KCTD16: variants seen among roughly 807,000 people sequenced by gnomAD.
KCTD16 encodes BTB/POZ domain-containing protein KCTD16.
In KCTD16, 13 loss-of-function variants were observed where a neutral mutation model predicts 33.2. The ratio of observed to expected loss-of-function variants is 0.39; its 90% CI spans 0.25 to 0.62. The LOEUF (loss-of-function observed/expected upper bound fraction) is 0.62. Ranked by LOEUF, KCTD16 falls within the 20% of genes least tolerant of loss-of-function variation. KCTD16 has a pLI of 0.50. For missense variants in KCTD16, 441 were observed against 525.1 expected, an observed-to-expected ratio of 0.84 and a Z score of 1.57; for synonymous variants, 197 against 195.3, an observed-to-expected ratio of 1.01 and a Z score of -0.07.
At chr5:144,459,901 G>C (rs1289860263) in intron 3 of KCTD16, among the ~76,000 whole-genome samples, 1 of 126,050 alleles carries the variant, frequency 7.9e-6, no homozygotes, top group African/African-American at 3.1e-5. Context: ...GCGTGATCTT[G>C]GCTCACTGCA....
At chr5:144,176,177 T>C (rs6650972) in intron 2 of KCTD16, among the ~76,000 whole-genome samples, 9,188 of 152,222 alleles carry the variant, frequency 0.06, 812 homozygotes, top group African/African-American at 0.19. Context: ...TTTCTTGATA[T>C]GTTTCATCTT....
intron 3 of KCTD16, among the ~76,000 whole-genome samples, chr5:144,359,921 A>G (rs1211548359): frequency 6.6e-6 from 1 of 151,990 alleles, no homozygotes; most frequent in Non-Finnish European, 1.5e-5. Flanking sequence ...TGTGATTTTA[A>G]TCTGATTCTC....
chr5:144,412,918 T>C (rs1264905437), intron 3 of KCTD16, among the ~76,000 whole-genome samples: 1 of 152,158 alleles, frequency 6.6e-6, no homozygotes, highest in Non-Finnish European at 1.5e-5. Context: ...GATCTAATGT[T>C]TGATCTATCA....
At chr5:144,444,513 T>A (rs1398536129) in intron 3 of KCTD16, among the ~76,000 whole-genome samples, 2 of 152,114 alleles carry the variant, frequency 1.3e-5, no homozygotes, top group Admixed American at 6.6e-5. Flanking sequence ...ATAGTTTTTG[T>A]ACGTCAGTCA....
intron 2 of KCTD16, chr5:144,205,633 G>T (rs1561528106): frequency 1.3e-5 from 5 of 398,492 alleles, no homozygotes; most frequent in Non-Finnish European, 2.2e-5. Context: ...CTAAGTCCTG[G>T]TACCTCTTGC....
intron 3 of KCTD16, among the ~76,000 whole-genome samples, chr5:144,306,596 G>A (rs556716257): frequency 1.1e-4 from 16 of 152,288 alleles, no homozygotes; most frequent in Admixed American, 9.8e-4. Context: ...AACCTATAAG[G>A]ACTAAGTGAC....
At chr5:144,367,911 G>A (rs1751875523) in intron 3 of KCTD16, among the ~76,000 whole-genome samples, 1 of 150,226 alleles carries the variant, frequency 6.7e-6, no homozygotes, top group African/African-American at 2.5e-5. Flanking sequence ...GCAGTATTCA[G>A]TTTTCTGTTC....
chr5:144,264,264 A>G (rs1168081463), intron 3 of KCTD16, among the ~76,000 whole-genome samples: 1 of 152,236 alleles, frequency 6.6e-6, no homozygotes, highest in Non-Finnish European at 1.5e-5. Flanking sequence ...TGAAAAATAC[A>G]TAACAGAATA....
At chr5:144,178,441 A>G (rs757818811) in intron 2 of KCTD16, among the ~76,000 whole-genome samples, 2 of 152,146 alleles carry the variant, frequency 1.3e-5, no homozygotes, top group Non-Finnish European at 2.9e-5. Flanking sequence ...TTTATTTTTA[A>G]ACAGAGACAT....
intron 3 of KCTD16, among the ~76,000 whole-genome samples, chr5:144,251,469 C>T (rs1056136563): frequency 6.6e-5 from 10 of 152,114 alleles, no homozygotes; most frequent in African/African-American, 2.4e-4. Flanking sequence ...TCAATGGTAA[C>T]TATTATTATC....
At chr5:144,416,821 G>T (rs1406989464) in intron 3 of KCTD16, among the ~76,000 whole-genome samples, 2 of 151,976 alleles carry the variant, frequency 1.3e-5, no homozygotes, top group Admixed American at 1.3e-4. Context: ...ATCTGTTTTT[G>T]TGTCTTTGTG....
chr5:144,417,807 T>C (rs1487178669), intron 3 of KCTD16, among the ~76,000 whole-genome samples: 1 of 152,172 alleles, frequency 6.6e-6, no homozygotes, highest in African/African-American at 2.4e-5. Context: ...TTCGTTCTTC[T>C]GCATATGGAT....
intron 3 of KCTD16, among the ~76,000 whole-genome samples, chr5:144,445,512 C>T (rs1190011657): frequency 6.6e-6 from 1 of 151,980 alleles, no homozygotes; most frequent in African/African-American, 2.4e-5. Context: ...CACTTAGTTT[C>T]TCTTTTCCTA....
chr5:144,430,789 C>G (rs1753440871), intron 3 of KCTD16, among the ~76,000 whole-genome samples: 1 of 151,608 alleles, frequency 6.6e-6, no homozygotes. Context: ...GATCCAGCCT[C>G]CCATCTCTCC....
chr5:144,216,511 A>C (rs1327638426), intron 3 of KCTD16, among the ~76,000 whole-genome samples: 3 of 152,182 alleles, frequency 2.0e-5, no homozygotes, highest in African/African-American at 7.2e-5. Flanking sequence ...ATTGATGAAA[A>C]TAGAAAGCAA....
chr5:144,262,358 G>T (rs1441906627), intron 3 of KCTD16, among the ~76,000 whole-genome samples: 4 of 152,218 alleles, frequency 2.6e-5, no homozygotes, highest in African/African-American at 7.2e-5. Context: ...GACAAAACTT[G>T]TGGGCTATGG....
chr5:144,377,560 C>T (rs1331874241), intron 3 of KCTD16, among the ~76,000 whole-genome samples: 2 of 152,190 alleles, frequency 1.3e-5, no homozygotes, highest in Non-Finnish European at 1.5e-5. Context: ...CTTTGTTTAA[C>T]CCTCTCTTCT....
At chr5:144,370,685 G>T (rs370496234) in intron 3 of KCTD16, among the ~76,000 whole-genome samples, 3 of 152,174 alleles carry the variant, frequency 2.0e-5, no homozygotes, top group Non-Finnish European at 1.5e-5. Flanking sequence ...AAAAGGTGTT[G>T]CAAAGATTTT....
intron 3 of KCTD16, among the ~76,000 whole-genome samples, chr5:144,313,048 A>G (rs571524016): frequency 6.6e-6 from 1 of 152,326 alleles, no homozygotes; most frequent in East Asian, 1.9e-4. Flanking sequence ...AAGAGTGAAG[A>G]AAAAAGTTAT....
Sources: allele counts gnomAD v4.1 joint callset (sites outside exome capture counted in the v4.1 genomes callset), GRCh38; gene constraint gnomAD v4.1.1; transcripts MANE v1.5; gene names NCBI Gene and HGNC (gene_info 2026-07-23, HGNC 2026-07-21).